Variants in ZC3H12B observed in about 807,000 individuals in gnomAD.
The protein encoded by ZC3H12B is probable ribonuclease ZC3H12B.
In ZC3H12B, 7 loss-of-function variants were observed where a neutral mutation model predicts 43.9. That is an observed-to-expected ratio of 0.16 (90% CI 0.09 to 0.30). The LOEUF is 0.30. Ranked by LOEUF, ZC3H12B falls within the 10% of genes least tolerant of loss-of-function variation. ZC3H12B has a pLI of 1.00. For missense variants in ZC3H12B, 475 were observed against 670.2 expected (o/e 0.71, Z 3.22); for synonymous variants, 222 against 241.7 (o/e 0.92, Z 0.76).
chrX:65,290,347 G>C, the ZC3H12B span, among the ~76,000 whole-genome samples: 1 of 110,798 alleles, frequency 9.0e-6, no homozygotes, highest in South Asian at 3.8e-4. Flanking sequence ...ACACATTTTG[G>C]CAAAGATGTG....
At chrX:65,369,694 C>G in intron 2 of ZC3H12B, among the ~76,000 whole-genome samples, 1 of 111,624 alleles carries the variant, frequency 9.0e-6, no homozygotes. Context: ...AATAAAGCAT[C>G]TATGTTTTTT....
At chrX:65,271,023 G>T in the ZC3H12B span, 3 of 112,542 alleles carry the variant, frequency 2.7e-5, no homozygotes, top group Non-Finnish European at 3.8e-5. Flanking sequence ...GAACAAGCTT[G>T]CAACCAAAAG....
chrX:65,226,722 G>A, the ZC3H12B span, among the ~76,000 whole-genome samples: 1 of 110,538 alleles, frequency 9.0e-6, no homozygotes, highest in Non-Finnish European at 1.9e-5. Context: ...AAAAGGCAGG[G>A]GTTGCAATCC....
At chrX:65,288,815 G>A in the ZC3H12B span, among the ~76,000 whole-genome samples, 1 of 111,279 alleles carries the variant, frequency 9.0e-6, no homozygotes, top group Non-Finnish European at 1.9e-5. Flanking sequence ...GTCTCTCTTG[G>A]CTTATGATGT....
chrX:65,244,434 G>T, the ZC3H12B span, among the ~76,000 whole-genome samples: 3 of 110,108 alleles, frequency 2.7e-5, no homozygotes, highest in Non-Finnish European at 5.7e-5. Flanking sequence ...TCACAGAGTT[G>T]CCACAATACT....
At chrX:65,269,364 A>G in the ZC3H12B span, among the ~76,000 whole-genome samples, 1 of 108,229 alleles carries the variant, frequency 9.2e-6, no homozygotes, top group South Asian at 4.0e-4. Flanking sequence ...ACAAAACAAA[A>G]CAAAAAAAAA....
At chrX:65,226,832 C>T in the ZC3H12B span, among the ~76,000 whole-genome samples, 10 of 111,788 alleles carry the variant, frequency 8.9e-5, no homozygotes, top group African/African-American at 3.3e-4. Flanking sequence ...GAAGAGCTAA[C>T]TATCCTAAAT....
chrX:65,367,480 T>A (rs2066188692), intron 1 of ZC3H12B, among the ~76,000 whole-genome samples: 1 of 111,719 alleles, frequency 9.0e-6, no homozygotes, highest in Non-Finnish European at 1.9e-5. Context: ...TACATACCAT[T>A]TTTTTGAAAT....
intron 3 of ZC3H12B, among the ~76,000 whole-genome samples, chrX:65,430,104 C>T (rs1356010656): frequency 8.9e-6 from 1 of 112,435 alleles, no homozygotes; most frequent in Non-Finnish European, 1.9e-5. Flanking sequence ...ATGTACAAAC[C>T]TCCCACCTTG....
At chrX:65,247,750 C>T in the ZC3H12B span, among the ~76,000 whole-genome samples, 2 of 111,383 alleles carry the variant, frequency 1.8e-5, no homozygotes, top group Non-Finnish European at 3.8e-5. Context: ...AGAGAGCGAG[C>T]GAGCATCAGG....
chrX:65,499,126 T>C (rs2068330661), exon 3 of ZC3H12B: 2 of 1,211,357 alleles, frequency 1.7e-6, no homozygotes, highest in Non-Finnish European at 2.2e-6. Context: ...TTGATTCTGA[T>C]GGCATCATTG....
At chrX:65,482,336 G>GA (rs959669167) in intron 3 of ZC3H12B, among the ~76,000 whole-genome samples, 3 of 110,054 alleles carry the variant, frequency 2.7e-5, no homozygotes, top group Non-Finnish European at 5.7e-5. Context: ...GAGAGAGAGA[G>GA]AAAAAAAATG....
At chrX:65,180,656 C>T in the ZC3H12B span, among the ~76,000 whole-genome samples, 21 of 111,085 alleles carry the variant, frequency 1.9e-4, no homozygotes, top group Non-Finnish European at 1.9e-5. Context: ...AGTAAACTGC[C>T]ATTCAGAATT....
chrX:65,118,244 G>T, the ZC3H12B span, among the ~76,000 whole-genome samples: 2 of 111,582 alleles, frequency 1.8e-5, no homozygotes, highest in Non-Finnish European at 3.8e-5. Flanking sequence ...TCCTTGAGCA[G>T]TGGTTTGTAG....
At chrX:65,479,056 A>G (rs1029068672) in intron 3 of ZC3H12B, among the ~76,000 whole-genome samples, 1 of 112,425 alleles carries the variant, frequency 8.9e-6, no homozygotes, top group African/African-American at 3.2e-5. Flanking sequence ...TCTAAATCAC[A>G]TCAAATAAAC....
At chrX:65,369,383 T>G (rs73629438) in intron 2 of ZC3H12B, among the ~76,000 whole-genome samples, 2 of 111,438 alleles carry the variant, frequency 1.8e-5, no homozygotes, top group Non-Finnish European at 3.8e-5. Flanking sequence ...AAAAACTATC[T>G]TAAGCAGGTT....
At chrX:65,392,718 G>T (rs1004755943) in intron 2 of ZC3H12B, among the ~76,000 whole-genome samples, 10 of 113,210 alleles carry the variant, frequency 8.8e-5, no homozygotes, top group African/African-American at 3.2e-4. Context: ...GAGCCCCTCT[G>T]CCTGGCCACC....
the ZC3H12B span, among the ~76,000 whole-genome samples, chrX:65,241,365 G>A: frequency 9.1e-6 from 1 of 109,458 alleles, no homozygotes; most frequent in Non-Finnish European, 1.9e-5. Context: ...CATTGTGGGG[G>A]GACTCCTCAT....
At chrX:65,066,603 CAGG>C in the ZC3H12B span, among the ~76,000 whole-genome samples, 1 of 111,959 alleles carries the variant, frequency 8.9e-6, no homozygotes, top group Non-Finnish European at 1.9e-5. Context: ...ATCTCCTAGT[CAGG>C]AGGCATGGGG....
Sources: gnomAD v4.1 joint callset for allele counts (sites outside exome capture counted in the v4.1 genomes callset) on GRCh38, gnomAD v4.1.1 for gene constraint, MANE v1.5 for transcripts, NCBI Gene and HGNC (gene_info 2026-07-23, HGNC 2026-07-21) for gene names.